Variants in BMPR1A observed in about 807,000 individuals in gnomAD.
The protein encoded by BMPR1A is bone morphogenetic protein receptor type 1A.
In BMPR1A, 7 loss-of-function variants were observed where a neutral mutation model predicts 66.0. The observed-to-expected ratio is 0.11, with a 90% CI of 0.06 to 0.20. The LOEUF is 0.20. Among genes scored for constraint, BMPR1A ranks in the 10% least tolerant of loss-of-function variants. The probability of loss-of-function intolerance (pLI) is 1.00; values close to 1 mark genes in which losing one functional copy is unlikely to be tolerated. For missense variants in BMPR1A, 408 were observed against 669.1 expected (o/e 0.61, Z 4.31); for synonymous variants, 200 against 229.7 (o/e 0.87, Z 1.17).
At chr10:86,884,695 G>A (rs577187964) in intron 3 of BMPR1A, among the ~76,000 whole-genome samples, 10 of 151,878 alleles carry the variant, frequency 6.6e-5, no homozygotes, top group South Asian at 2.1e-4. Flanking sequence ...GACTACAGGC[G>A]TGAGCCACCG....
intron 1 of BMPR1A, among the ~76,000 whole-genome samples, chr10:86,835,658 A>T (rs1351462671): frequency 6.6e-6 from 1 of 151,266 alleles, no homozygotes; most frequent in Non-Finnish European, 1.5e-5. Context: ...TCTTACTAAT[A>T]ATAGAAATCA....
chr10:86,892,629 A>C (rs993815894), intron 5 of BMPR1A, among the ~76,000 whole-genome samples: 1 of 151,974 alleles, frequency 6.6e-6, no homozygotes, highest in Non-Finnish European at 1.5e-5. Context: ...AGGTTTTACC[A>C]TGTTGCCCAG....
At chr10:86,894,852 C>G (rs1170679411) in intron 5 of BMPR1A, among the ~76,000 whole-genome samples, 2 of 152,190 alleles carry the variant, frequency 1.3e-5, no homozygotes, top group African/African-American at 4.8e-5. Flanking sequence ...TACACTCAGA[C>G]TGTGTTATAC....
chr10:86,888,045 T>A lies in BMPR1A; in HGVS notation c.68-2017T>A, dbSNP rs148262635. Among the ~76,000 whole-genome samples the A allele has an allele frequency of 1.4e-3, 215 of 152,094 alleles. 1 individual carries two copies. The highest frequency in any genetic ancestry group is 6.8e-3 in the Middle Eastern group (2 of 294). On this transcript the variant is annotated intron_variant, in intron 3 of 12. Coordinates refer to ENST00000372037, the MANE Select transcript of BMPR1A (RefSeq NM_004329.3). ...GTCTTTCCGCTTTGTAGCAATCAGA[T>A]CCAACGGAAGCCTTGACATTATATT...
chr10:86,758,406 C>G (rs1847914097), intron 1 of BMPR1A, among the ~76,000 whole-genome samples: 1 of 148,978 alleles, frequency 6.7e-6, no homozygotes, highest in African/African-American at 2.5e-5. Flanking sequence ...TAGTTAACAC[C>G]TTGGGGTTTT....
At chr10:86,814,947 G>A (rs917654972) in intron 1 of BMPR1A, among the ~76,000 whole-genome samples, 2 of 152,016 alleles carry the variant, frequency 1.3e-5, no homozygotes, top group African/African-American at 4.8e-5. Context: ...CACCATGCTC[G>A]GCTAATTTTT....
At chr10:86,823,790 T>C (rs1160680239) in intron 1 of BMPR1A, among the ~76,000 whole-genome samples, 2 of 152,206 alleles carry the variant, frequency 1.3e-5, no homozygotes, top group Non-Finnish European at 2.9e-5. Flanking sequence ...CCCTGTGGAA[T>C]GCTCGTGTGA....
At chr10:86,911,591 CA>C (rs1282065007) in intron 7 of BMPR1A, among the ~76,000 whole-genome samples, 1 of 151,612 alleles carries the variant, frequency 6.6e-6, no homozygotes, top group Non-Finnish European at 1.5e-5. Context: ...ACTAAAAATA[CA>C]AAAAAAGATT....
intron 1 of BMPR1A, among the ~76,000 whole-genome samples, chr10:86,796,670 A>G (rs922690660): frequency 2.0e-5 from 3 of 151,430 alleles, no homozygotes; most frequent in African/African-American, 4.9e-5. Flanking sequence ...TCCCCCTCCT[A>G]GGCTCTAGCA....
chr10:86,816,803 A>G (rs1172409071), intron 1 of BMPR1A, among the ~76,000 whole-genome samples: 1 of 152,184 alleles, frequency 6.6e-6, no homozygotes, highest in Non-Finnish European at 1.5e-5. Flanking sequence ...CCTCACCTAC[A>G]TGCAGAGAGG....
chr10:86,892,323 C>T (rs534150993), intron 5 of BMPR1A, 94 bp downstream of exon 5: 18 of 933,196 alleles, frequency 1.9e-5, no homozygotes, highest in Non-Finnish European at 2.6e-5. Context: ...GTGTACACAT[C>T]GCTGTATGTT....
At chr10:86,878,081 A>G (rs1358623690) in intron 3 of BMPR1A, among the ~76,000 whole-genome samples, 1 of 152,244 alleles carries the variant, frequency 6.6e-6, no homozygotes, top group African/African-American at 2.4e-5. Flanking sequence ...GCTAAAACCA[A>G]TGTAGAAAAG....
chr10:86,903,601 T>TTTTA (rs528073264), intron 7 of BMPR1A, among the ~76,000 whole-genome samples: 5,976 of 151,354 alleles, frequency 0.039, 401 homozygotes, highest in African/African-American at 0.14. Context: ...TTATTATTAT[T>TTTTA]TTTATTTATT....
At chr10:86,835,890 T>C (rs934059624) in intron 1 of BMPR1A, among the ~76,000 whole-genome samples, 19 of 152,246 alleles carry the variant, frequency 1.2e-4, no homozygotes, top group Non-Finnish European at 1.8e-4. Flanking sequence ...TGTGTTTGTT[T>C]GCAAATAATT....
intron 2 of BMPR1A, among the ~76,000 whole-genome samples, chr10:86,842,044 C>G (rs1190912139): frequency 6.6e-6 from 1 of 152,094 alleles, no homozygotes; most frequent in South Asian, 2.1e-4. Flanking sequence ...CTAATAGAAC[C>G]TGAAAAAGGG....
chr10:86,898,171 C>T (rs1195870325), intron 5 of BMPR1A, among the ~76,000 whole-genome samples: 2 of 152,066 alleles, frequency 1.3e-5, no homozygotes, highest in East Asian at 1.9e-4. Context: ...CCTCATGCCT[C>T]AGCCTCCCAA....
At chr10:86,882,623 A>G (rs1843004544) in intron 3 of BMPR1A, among the ~76,000 whole-genome samples, 1 of 150,334 alleles carries the variant, frequency 6.7e-6, no homozygotes, top group East Asian at 1.9e-4. Context: ...ATGAGAATAT[A>G]TTGTTGTTTT....
At chr10:86,883,939 A>G (rs964809708) in intron 3 of BMPR1A, among the ~76,000 whole-genome samples, 3 of 150,090 alleles carry the variant, frequency 2.0e-5, no homozygotes, top group Non-Finnish European at 4.4e-5. Context: ...CAGTGGCACA[A>G]TCTCAGCTCA....
chr10:86,882,242 G>A (rs971324339), intron 3 of BMPR1A, among the ~76,000 whole-genome samples: 21 of 152,148 alleles, frequency 1.4e-4, no homozygotes, highest in African/African-American at 5.1e-4. Context: ...GGCCAACATG[G>A]TGAAACCCTG....
Sources: allele counts gnomAD v4.1 joint callset (sites outside exome capture counted in the v4.1 genomes callset), GRCh38; gene constraint gnomAD v4.1.1; transcripts MANE v1.5; gene names NCBI Gene and HGNC (gene_info 2026-07-23, HGNC 2026-07-21).